PIK3CA: variants seen among roughly 807,000 people sequenced by gnomAD.
The protein encoded by PIK3CA is phosphatidylinositol 4,5-bisphosphate 3-kinase catalytic subunit alpha isoform.
A neutral mutation model predicts 138.2 loss-of-function variants in PIK3CA; 27 were observed. The observed-to-expected ratio is 0.20, with a 90% CI of 0.14 to 0.27. The LOEUF (loss-of-function observed/expected upper bound fraction) is 0.27. Ranked by LOEUF, PIK3CA falls within the 10% of genes least tolerant of loss-of-function variation. The pLI is 1.00. For missense variants in PIK3CA, 544 were observed against 1,277.4 expected (o/e 0.43, Z 8.75); for synonymous variants, 358 against 413.2 (o/e 0.87, Z 1.62).
chr3:179,238,326 A>T lies in PIK3CA; in HGVS notation c.*3962A>T. 1 of 214,750 alleles carries T rather than the reference A, an allele frequency of 4.7e-6. No individual in the cohort carries two copies. Among genetic ancestry groups the T allele is most frequent in the East Asian group, 6.9e-5 (1 of 14,564 alleles). 13.3% of individuals were successfully genotyped at this position (214,750 alleles called of 1,614,324 possible). ...TTAAAATATAAACAATACCATTTTT[A>T]ATTATTACATTAAAAATTGTAAATA... On this transcript the variant is annotated 3_prime_UTR_variant, in exon 21 of 21. Transcript: ENST00000263967.
chr3:179,220,233 G>C lies in PIK3CA; in HGVS notation c.2015+181G>C, dbSNP rs1024121226. 5.3e-5 allele frequency among the ~76,000 whole-genome samples: 8 copies of C among 152,040 alleles called. No homozygotes were observed. Among genetic ancestry groups the C allele is most frequent in the African/African-American group, 1.9e-4 (8 of 41,414 alleles). ...ACTTTTGCTCTTTGAAATTTAAAAA[G>C]CAGTAAATTCAAAACTAAATTTTAG... is the stretch of plus-strand genomic sequence containing the variant. On this transcript the variant is annotated intron_variant, in intron 13 of 20. Coordinates refer to ENST00000263967, the MANE Select transcript of PIK3CA (RefSeq NM_006218.4). This position sits in a 1 kb window ranked among gnomAD's most constrained non-coding sequence, Gnocchi z 4.1.
chr3:179,219,656 T>A lies in PIK3CA; in HGVS notation c.1832T>A (p.Val611Asp), dbSNP rs2108410939. Reference sequence around the variant, plus strand: ...GACTGTAATTACCCAGATCCTATGGTTCGAGGTTTTGCTGTTCGGTGCTTG... The same window carrying A: ...GACTGTAATTACCCAGATCCTATGGATCGAGGTTTTGCTGTTCGGTGCTTG... ...LLDCNYPDPM[V>D]RGFAVRCLEK... The change falls in exon 12 of 21, where the codon GTT becomes GAT. Residue 611 changes from valine (V) to aspartate (D), a missense_variant. This residue lies in a region of PIK3CA where 22 missense variants were observed against 30.5 expected (regional missense o/e 0.72). Coordinates refer to ENST00000263967, the MANE Select transcript of PIK3CA (RefSeq NM_006218.4). The surrounding 1 kb of genome is among the most constrained non-coding windows in gnomAD (Gnocchi z 4.2). 1 of 1,611,280 alleles carries A rather than the reference T, an allele frequency of 6.2e-7. No homozygotes were observed.
At chr3:179,170,063 C>CAT (rs780533391) in intron 1 of PIK3CA, among the ~76,000 whole-genome samples, 1 of 49,430 alleles carries the variant, frequency 2.0e-5, no homozygotes. Context: ...CATGCGCGTG[C>CAT]ACACGCGCGC....
intron 1 of PIK3CA, among the ~76,000 whole-genome samples, chr3:179,183,283 G>T (rs1723895019): frequency 6.6e-6 from 1 of 151,952 alleles, no homozygotes; most frequent in African/African-American, 2.4e-5. Context: ...GTTATTGTTT[G>T]GTCTTTATCA....
At position 179,234,667 on chromosome 3, in the gene PIK3CA, A is replaced by G. The variant is rs1440159855; in HGVS notation, c.*303A>G. ...TGTATCTTTTTTTAAAAAACAAAACAAAACAAAAATCCCCAAAATATATAG... is the reference window on the plus strand; with the variant it reads ...TGTATCTTTTTTTAAAAAACAAAACGAAACAAAAATCCCCAAAATATATAG... On this transcript the variant is annotated 3_prime_UTR_variant, in exon 21 of 21. Coordinates refer to ENST00000263967, the MANE Select transcript of PIK3CA (RefSeq NM_006218.4). The surrounding 1 kb of genome is among the most constrained non-coding windows in gnomAD (Gnocchi z 5.1). 1.1e-5 allele frequency: 3 copies of G among 268,064 alleles called. No homozygotes were observed. Among genetic ancestry groups the G allele is most frequent in the African/African-American group, 6.5e-5 (3 of 46,316 alleles). The allele number at this position is 268,064 out of a possible 1,614,324, so 16.6% of individuals were successfully genotyped here.
intron 17 of PIK3CA, among the ~76,000 whole-genome samples, chr3:179,229,012 C>G (rs566470207): frequency 6.6e-6 from 1 of 152,120 alleles, no homozygotes; most frequent in African/African-American, 2.4e-5. Context: ...TTAATTGCCA[C>G]AATAATTTTC....
intron 20 of PIK3CA, among the ~76,000 whole-genome samples, chr3:179,231,450 T>C (rs568032216): frequency 2.6e-5 from 4 of 152,174 alleles, no homozygotes; most frequent in African/African-American, 9.6e-5. Context: ...ACCACATCCA[T>C]GTCAACATCT....
intron 1 of PIK3CA, among the ~76,000 whole-genome samples, chr3:179,187,018 A>T (rs1723998982): frequency 6.6e-6 from 1 of 151,660 alleles, no homozygotes; most frequent in Non-Finnish European, 1.5e-5. Context: ...GCTATTTTTT[A>T]GTCATTTTAT....
Position 179,199,171 on chromosome 3 carries a change from G to C in PIK3CA, c.346G>C (p.Glu116Gln). The C allele has an allele frequency of 1.3e-6, 2 of 1,561,224 alleles. No homozygotes were observed. The highest frequency in any genetic ancestry group is 1.7e-6 in the Non-Finnish European group (2 of 1,155,596). The change falls in exon 2 of 21, where the codon GAA (glutamate) becomes CAA (glutamine). Residue 116 changes from glutamate to glutamine, a missense_variant. This residue lies in a region of PIK3CA where 234 missense variants were observed against 401.3 expected (regional missense o/e 0.58). Transcript: ENST00000263967. ...CCGTGAAGAAAAGATCCTCAATCGA[G>C]AAATTGGTATGATACAATATCCTAT... ...GNREEKILNR[E>Q]IGFAIGMPVC...
intron 1 of PIK3CA, among the ~76,000 whole-genome samples, chr3:179,164,604 A>G (rs1450980095): frequency 6.6e-6 from 1 of 152,200 alleles, no homozygotes; most frequent in African/African-American, 2.4e-5. Context: ...GTGGTGCCTC[A>G]TGCCTGTAAT....
At chr3:179,168,637 T>A (rs1346337986) in intron 1 of PIK3CA, among the ~76,000 whole-genome samples, 2 of 152,182 alleles carry the variant, frequency 1.3e-5, no homozygotes, top group Non-Finnish European at 2.9e-5. Context: ...ATTGTATATC[T>A]TTTTCACCCT....
chr3:179,171,049 A>G (rs1723546727), intron 1 of PIK3CA, among the ~76,000 whole-genome samples: 1 of 152,184 alleles, frequency 6.6e-6, no homozygotes, highest in Non-Finnish European at 1.5e-5. Context: ...GCCCACAAAA[A>G]TGAAATGTTT....
At chr3:179,180,600 T>G (rs1723816953) in intron 1 of PIK3CA, among the ~76,000 whole-genome samples, 1 of 151,916 alleles carries the variant, frequency 6.6e-6, no homozygotes, top group Admixed American at 6.6e-5. Flanking sequence ...GGGGTGGAAG[T>G]GATGTCATGC....
intron 1 of PIK3CA, among the ~76,000 whole-genome samples, chr3:179,173,448 G>A (rs888378528): frequency 3.3e-5 from 5 of 150,130 alleles, no homozygotes; most frequent in Admixed American, 2.0e-4. Flanking sequence ...GTGTGGTGGC[G>A]GGCGCCTGTA....
chr3:179,168,857 G>A (rs938944628), intron 1 of PIK3CA, among the ~76,000 whole-genome samples: 2 of 151,762 alleles, frequency 1.3e-5, no homozygotes, highest in African/African-American at 4.8e-5. Flanking sequence ...CTATTGATTT[G>A]AAATGATACC....
At position 179,199,169 on chromosome 3, in the gene PIK3CA, G is replaced by A; in HGVS notation, c.344G>A (p.Arg115Gln). 2 of 1,564,936 alleles carry A rather than the reference G, an allele frequency of 1.3e-6. No homozygotes were observed. Among genetic ancestry groups the A allele is most frequent in the Non-Finnish European group, 1.7e-6 (2 of 1,158,426 alleles). ...AACCGTGAAGAAAAGATCCTCAATC[G>A]AGAAATTGGTATGATACAATATCCT... Reference protein sequence around the residue: ...VGNREEKILNREIGFAIGMPV... With the variant: ...VGNREEKILNQEIGFAIGMPV... The change falls in exon 2 of 21, where the codon CGA becomes CAA. Residue 115 changes from arginine (R) to glutamine (Q), a missense_variant. Arg to Gln is a conservative substitution (Grantham distance 43). Transcript: ENST00000263967.
At chr3:179,215,381 G>A (rs1482173642) in intron 9 of PIK3CA, among the ~76,000 whole-genome samples, 9 of 151,980 alleles carry the variant, frequency 5.9e-5, no homozygotes, top group South Asian at 2.1e-4. Context: ...CTATTTTTCA[G>A]TTACAATTTG....
chr3:179,162,203 GTA>G (rs538366692), intron 1 of PIK3CA, among the ~76,000 whole-genome samples: 6 of 151,934 alleles, frequency 3.9e-5, no homozygotes, highest in Non-Finnish European at 5.9e-5. Context: ...GAATTTATGT[GTA>G]TATATATATG....
At chr3:179,217,350 T>C (rs1386764524) in intron 9 of PIK3CA, among the ~76,000 whole-genome samples, 1 of 152,156 alleles carries the variant, frequency 6.6e-6, no homozygotes, top group East Asian at 1.9e-4. Context: ...CAGGGTCTTT[T>C]ACTATTTTGT....
Sources: gnomAD v4.1 joint callset for allele counts (sites outside exome capture counted in the v4.1 genomes callset) on GRCh38, gnomAD v4.1.1 for gene constraint, gnomAD v4.1.1 regional missense constraint, Gnocchi (gnomAD v3.1) non-coding constraint, MANE v1.5 for transcripts, NCBI Gene and HGNC (gene_info 2026-07-23, HGNC 2026-07-21) for gene names.